The following CDIN1 variants were observed in gnomAD, a reference collection of about 807,000 sequenced individuals.
The protein encoded by CDIN1 is CDAN1-interacting nuclease 1.
Under a neutral mutation model 45.3 loss-of-function variants are expected in CDIN1, and 33 were observed. The ratio of observed to expected loss-of-function variants is 0.73; its 90% CI spans 0.55 to 0.97. CDIN1 has a LOEUF of 0.97. CDIN1 is among the 50% of genes least tolerant of loss of function. The probability of loss-of-function intolerance (pLI) is 0.00; values close to 1 mark genes in which losing one functional copy is unlikely to be tolerated. For missense variants in CDIN1, 303 were observed against 339.4 expected, an observed-to-expected ratio of 0.89 and a Z score of 0.84; for synonymous variants, 118 against 124.4, an observed-to-expected ratio of 0.95 and a Z score of 0.34.
At chr15:36,598,862 A>AC (rs1389720896) in intron 1 of CDIN1, among the ~76,000 whole-genome samples, 1 of 150,902 alleles carries the variant, frequency 6.6e-6, no homozygotes, top group Non-Finnish European at 1.5e-5. Flanking sequence ...CATGGTAGTT[A>AC]CTTTTACCTG....
chr15:36,663,878 G>A lies in CDIN1; in HGVS notation c.346+5973G>A, dbSNP rs370679836. On this transcript the variant is annotated intron_variant, in intron 5 of 10. Transcript: ENST00000566621. ...GACACAGAACTATGTGTTGTTGACCGCAGTTAAGAACCAAGGTTGAAGATG... is the reference window on the plus strand; with the variant it reads ...GACACAGAACTATGTGTTGTTGACCACAGTTAAGAACCAAGGTTGAAGATG... Among the ~76,000 whole-genome samples the A allele has an allele frequency of 6.0e-3, 911 of 152,256 alleles. 5 individuals are homozygous for A. Among genetic ancestry groups the A allele is most frequent in the Non-Finnish European group, 0.011 (771 of 68,010 alleles).
At chr15:36,646,780 TA>T (rs2040348424) in intron 3 of CDIN1, among the ~76,000 whole-genome samples, 1 of 152,170 alleles carries the variant, frequency 6.6e-6, no homozygotes, top group South Asian at 2.1e-4. Context: ...TAGAGCATTT[TA>T]AAGGAAAATG....
intron 1 of CDIN1, among the ~76,000 whole-genome samples, chr15:36,581,773 G>T (rs1595699372): frequency 6.6e-6 from 1 of 152,340 alleles, no homozygotes; most frequent in East Asian, 1.9e-4. Flanking sequence ...CAGCTACTCA[G>T]CTACTCCTGA....
At chr15:36,595,387 C>T (rs1394897113) in intron 1 of CDIN1, among the ~76,000 whole-genome samples, 1 of 150,134 alleles carries the variant, frequency 6.7e-6, no homozygotes, top group Non-Finnish European at 1.5e-5. Flanking sequence ...CCCACTGTAC[C>T]TAGAAGGAAA....
intron 1 of CDIN1, among the ~76,000 whole-genome samples, chr15:36,588,985 A>G (rs1325842637): frequency 6.6e-6 from 1 of 152,168 alleles, no homozygotes; most frequent in Admixed American, 6.5e-5. Context: ...GGCTTTATTT[A>G]AAAAATCTAT....
At position 36,808,321 on chromosome 15, in the gene CDIN1, C is replaced by T. The variant is rs1360349988; in HGVS notation, c.717-3C>T. Reference sequence around the variant, plus strand: ...TGTGTGTTATTTTCTGGTGTTTTTACAGATTTGGGCCAGGCTTAGTCATCT... The same window carrying T: ...TGTGTGTTATTTTCTGGTGTTTTTATAGATTTGGGCCAGGCTTAGTCATCT... On this transcript the variant is annotated splice_polypyrimidine_tract_variant and splice_region_variant and intron_variant, in intron 10 of 10. Transcript: ENST00000566621. The T allele has an allele frequency of 2.5e-6, 4 of 1,612,986 alleles. No homozygotes were observed. Among genetic ancestry groups the T allele is most frequent in the African/African-American group, 1.3e-5 (1 of 74,864 alleles).
intron 10 of CDIN1, among the ~76,000 whole-genome samples, chr15:36,778,052 A>G (rs1191923291): frequency 6.6e-6 from 1 of 152,184 alleles, no homozygotes; most frequent in African/African-American, 2.4e-5. Flanking sequence ...CCTTGTGAAG[A>G]GAATGCAATG....
At chr15:36,716,567 C>G (rs1317758274) in intron 10 of CDIN1, among the ~76,000 whole-genome samples, 6 of 152,132 alleles carry the variant, frequency 3.9e-5, no homozygotes, top group Admixed American at 1.3e-4. Flanking sequence ...GTGTTAAAAT[C>G]ACATGCGGGT....
chr15:36,681,246 A>G (rs1464776421), intron 5 of CDIN1, among the ~76,000 whole-genome samples: 7 of 152,212 alleles, frequency 4.6e-5, no homozygotes, highest in Non-Finnish European at 1.0e-4. Context: ...TAGAAATGAA[A>G]TAACAGTCAT....
intron 8 of CDIN1, chr15:36,708,507 C>T (rs922435182): frequency 2.0e-5 from 3 of 146,540 alleles, no homozygotes; most frequent in African/African-American, 7.6e-5. Flanking sequence ...CTAGTTTTTC[C>T]CAACTTTGTC....
intron 1 of CDIN1, among the ~76,000 whole-genome samples, chr15:36,588,791 G>T (rs2037428132): frequency 6.6e-6 from 1 of 152,130 alleles, no homozygotes; most frequent in Non-Finnish European, 1.5e-5. Context: ...TAAAAGAAGT[G>T]TTTAGCTTTT....
At chr15:36,672,025 T>TC (rs1184912843) in intron 5 of CDIN1, among the ~76,000 whole-genome samples, 1 of 152,114 alleles carries the variant, frequency 6.6e-6, no homozygotes, top group Non-Finnish European at 1.5e-5. Context: ...GTTGTTTTTT[T>TC]CCCCACCAGG....
At chr15:36,800,899 G>GTATATATA (rs1467289662) in intron 10 of CDIN1, among the ~76,000 whole-genome samples, 12 of 25,802 alleles carry the variant, frequency 4.7e-4, no homozygotes, top group African/African-American at 1.3e-3. Context: ...GTGTGTGTGT[G>GTATATATA]TGTGTGTGTG....
chr15:36,707,235 T>C (rs894291741), intron 8 of CDIN1: 2 of 152,170 alleles, frequency 1.3e-5, no homozygotes, highest in African/African-American at 4.8e-5. Context: ...TTCCAGATGC[T>C]ATCCTTTGGC....
intron 10 of CDIN1, among the ~76,000 whole-genome samples, chr15:36,752,864 C>A (rs960932305): frequency 5.3e-5 from 8 of 151,934 alleles, no homozygotes; most frequent in African/African-American, 1.9e-4. Context: ...TAAAAAAGTC[C>A]CTGTAACTTG....
At chr15:36,697,259 G>A (rs2042463474) in intron 7 of CDIN1, 64 bp from the exon 8 acceptor site, 3 of 1,380,320 alleles carry the variant, frequency 2.2e-6, no homozygotes, top group Non-Finnish European at 3.1e-6. Flanking sequence ...GTATAGACCT[G>A]GTATTAGCGT....
rs1348273665 is a variant in CDIN1, at chr15:36,808,996, G to A, written c.*543G>A. On this transcript the variant is annotated 3_prime_UTR_variant, in exon 11 of 11. Transcript: ENST00000566621. ...TCCAAAGCCACCTTTGTACTCACCT[G>A]CAGAGCTCCAGAAGACCTTGATGGC... is the stretch of plus-strand genomic sequence containing the variant. 13 of 455,660 alleles carry A rather than the reference G, an allele frequency of 2.9e-5. No homozygotes were observed. The highest frequency in any genetic ancestry group is 1.9e-4 in the South Asian group (12 of 64,528). 28.2% of individuals were successfully genotyped at this position (455,660 alleles called of 1,614,324 possible).
chr15:36,719,951 T>C lies in CDIN1; in HGVS notation c.716+9990T>C, dbSNP rs140197717. On this transcript the variant is annotated intron_variant, in intron 10 of 10. Coordinates refer to ENST00000566621, the MANE Select transcript of CDIN1 (RefSeq NM_001321759.2). ...TTCCCTTATTATCTTTCAATGTCTGTAGATATGTCTCCTTTCTAATTCCTG... is the reference window on the plus strand; with the variant it reads ...TTCCCTTATTATCTTTCAATGTCTGCAGATATGTCTCCTTTCTAATTCCTG... Among the ~76,000 whole-genome samples, 291 of 152,242 alleles carry C rather than the reference T, an allele frequency of 1.9e-3. 1 individual carries two copies. The highest frequency in any genetic ancestry group is 6.4e-3 in the African/African-American group (267 of 41,578).
At chr15:36,774,254 C>T (rs1222201318) in intron 10 of CDIN1, among the ~76,000 whole-genome samples, 1 of 151,980 alleles carries the variant, frequency 6.6e-6, no homozygotes, top group African/African-American at 2.4e-5. Flanking sequence ...GTCACTAGTC[C>T]TCCTCCAATA....
Sources: gnomAD v4.1 joint callset for allele counts (sites outside exome capture counted in the v4.1 genomes callset) on GRCh38, gnomAD v4.1.1 for gene constraint, MANE v1.5 for transcripts, NCBI Gene and HGNC (gene_info 2026-07-23, HGNC 2026-07-21) for gene names.